Variants in STK11IP observed in about 807,000 individuals in gnomAD.
The protein encoded by STK11IP is serine/threonine kinase 11 interacting protein, also known as serine/threonine-protein kinase 11-interacting protein.
In STK11IP, 103 loss-of-function variants were observed where a neutral mutation model predicts 131.7. The ratio of observed to expected loss-of-function variants is 0.78; its 90% CI spans 0.67 to 0.92. The LOEUF (loss-of-function observed/expected upper bound fraction) is 0.92. STK11IP is among the 40% of genes least tolerant of loss of function. The pLI is 0.00. For synonymous variants in STK11IP, 557 were observed against 575.6 expected, an observed-to-expected ratio of 0.97 and a Z score of 0.46; for missense variants, 1,315 against 1,385.7, an observed-to-expected ratio of 0.95 and a Z score of 0.81.
chr2:219,609,644 C>G, intron 17 of STK11IP, 104 bp downstream of exon 17: 1 of 1,357,628 alleles, frequency 7.4e-7, no homozygotes, highest in African/African-American at 1.4e-5. Flanking sequence ...GGAGAAGGGG[C>G]TAGAGTGGAG....
rs756114545 is a variant in STK11IP, at chr2:219,616,120, G to A, written c.3194G>A (p.Arg1065Gln). The part of the protein sequence containing the change: ...EQLTALLAWI[R>Q]EPWEELFSIG... Reference sequence around the variant, plus strand: ...CTGACAGCCCTGCTTGCCTGGATCCGGGAACCATGGGAGGAGCTGTTTTCC... The same window carrying A: ...CTGACAGCCCTGCTTGCCTGGATCCAGGAACCATGGGAGGAGCTGTTTTCC... The change falls in exon 25 of 25, where the codon CGG (arginine) becomes CAG (glutamine). Residue 1065 changes from arginine (R) to glutamine (Q), a missense_variant. Coordinates refer to ENST00000456909, the MANE Select transcript of STK11IP (RefSeq NM_052902.4). The A allele has an allele frequency of 1.2e-5, 19 of 1,613,816 alleles. No homozygotes were observed. In the East Asian group the frequency reaches 2.7e-4, roughly 23 times the overall value.
chr2:219,606,982 G>A, intron 12 of STK11IP, 71 bp from the exon 13 acceptor site: 1 of 1,606,122 alleles, frequency 6.2e-7, no homozygotes, highest in Non-Finnish European at 8.5e-7. Context: ...TTGATAGGTT[G>A]GATGGCCAGC....
Position 219,608,058 on chromosome 2 carries a change from C to T in STK11IP, c.1231C>T (p.Gln411Ter), listed in dbSNP as rs1290334337. ...LNPSPAGWFVQQHPELELMSS... is the reference protein window; with the variant it reads ...LNPSPAGWFV ...CCCCTCCTGCCTAGGATGGTTCGTGCAGCAGCACCCGGAGCTGGAGCTCAT... is the reference window on the plus strand; with the variant it reads ...CCCCTCCTGCCTAGGATGGTTCGTGTAGCAGCACCCGGAGCTGGAGCTCAT... The change falls in exon 14 of 25, where the codon CAG becomes TAG. Residue 411 changes from glutamine (Q) to a stop codon, truncating the protein, a stop_gained. Coordinates refer to ENST00000456909, the MANE Select transcript of STK11IP (RefSeq NM_052902.4). LOFTEE classifies it high-confidence loss of function. The T allele has an allele frequency of 2.5e-6, 4 of 1,611,616 alleles. 1 individual carries two copies. The South Asian group carries it at 4.4e-5, about 18-fold the overall frequency.
intron 13 of STK11IP, 73 bp downstream of exon 13, chr2:219,607,210 A>G: frequency 7.1e-7 from 1 of 1,411,848 alleles, no homozygotes; most frequent in Admixed American, 1.8e-5. Context: ...TACAGTGAAG[A>G]TCTGCTGGAA....
chr2:219,605,850 G>T (rs1019665963), intron 8 of STK11IP, 106 bp from the exon 9 acceptor site: 1 of 1,487,622 alleles, frequency 6.7e-7, no homozygotes, highest in Admixed American at 2.0e-5. Flanking sequence ...GGAGTGCAGG[G>T]GTGCTCTGGC....
At chr2:219,602,656 T>C (rs766184563) in intron 6 of STK11IP, 49 bp from the exon 7 acceptor site, 1 of 1,611,748 alleles carries the variant, frequency 6.2e-7, no homozygotes, top group Non-Finnish European at 8.5e-7. Context: ...GTTGACCAGA[T>C]AGTATTGTAG....
chr2:219,605,035 G>T (rs1353597308), intron 7 of STK11IP, among the ~76,000 whole-genome samples: 1 of 152,122 alleles, frequency 6.6e-6, no homozygotes, highest in Non-Finnish European at 1.5e-5. Context: ...TCACAATGTT[G>T]GCCAGGTGAG....
rs1698166913 is a variant in STK11IP at position 219,606,487 on chromosome 2, T to C, written c.957T>C (p.Asp319=). The stretch of plus-strand genomic sequence containing the variant: ...TTGTCTTTGCTCAGTTCCTTCTCGA[T>C]GGCAAGGTCTTGTCACTGACAGATT... The part of the protein sequence containing the change: ...ARDAATGFLL[D]GKVLSLTDFQ... Residue 319 remains aspartate, a synonymous_variant, in exon 11 of 25, where the codon GAT becomes GAC. Transcript: ENST00000456909. The C allele has an allele frequency of 1.2e-6, 2 of 1,612,560 alleles. No individual in the cohort carries two copies. The highest frequency in any genetic ancestry group is 1.1e-5 in the South Asian group (1 of 90,700).
chr2:219,613,255 G>C (rs373946940), intron 20 of STK11IP, 30 bp downstream of exon 20: 19 of 1,322,050 alleles, frequency 1.4e-5, no homozygotes, highest in East Asian at 1.1e-4. Context: ...CAGTGAGTAA[G>C]GGGGGAGATG....
At position 219,608,612 on chromosome 2, in the gene STK11IP, C is replaced by T. The variant is rs775323669; in HGVS notation, c.1633C>T (p.Pro545Ser). 6.2e-7 allele frequency: 1 copy of T among 1,608,474 alleles called. No homozygotes were observed. The highest frequency in any genetic ancestry group is 1.3e-5 in the African/African-American group (1 of 74,826). The change falls in exon 15 of 25, where the codon CCC becomes TCC. Residue 545 changes from proline to serine, a missense_variant. Physicochemically the swap from Pro to Ser is moderately conservative, Grantham distance 74 (BLOSUM62 -1). Coordinates refer to ENST00000456909, the MANE Select transcript of STK11IP (RefSeq NM_052902.4). Reference protein sequence around the residue: ...AELCRPLLVCPLEGPEGVRGR... With the variant: ...AELCRPLLVCSLEGPEGVRGR... ...ACTCTGTCGCCCCTTGTTGGTGTGTCCCCTGGAGGGGCCTGAGGGCGTACG... is the reference window on the plus strand; with the variant it reads ...ACTCTGTCGCCCCTTGTTGGTGTGTTCCCTGGAGGGGCCTGAGGGCGTACG...
In STK11IP at chr2:219,613,981, C is replaced by T. The variant is rs575356975; in HGVS notation, c.2716+51C>T. On this transcript the variant is annotated intron_variant, in intron 21 of 24. Transcript: ENST00000456909. ...AGGGTGGGCAGGAGGGTGGGCAGGG[C>T]CTTGGGGCCAGGCTCCCCACCTGGT... The T allele has an allele frequency of 1.6e-5, 24 of 1,510,138 alleles. No homozygotes were observed. In the South Asian group the frequency reaches 3.1e-4, roughly 19 times the overall value. The allele number at this position is 1,510,138 out of a possible 1,614,324, so 93.5% of individuals were successfully genotyped here. A position where few individuals can be genotyped will look rare whatever the true frequency, so the allele number is the denominator to read the frequency against.
In STK11IP at chr2:219,601,726, A is replaced by C. The variant is rs1440454855; in HGVS notation, c.342+11A>C. 1.9e-6 allele frequency: 3 copies of C among 1,591,402 alleles called. No individual in the cohort carries two copies. The African/African-American group carries it at 4.0e-5, about 21-fold the overall frequency. On this transcript the variant is annotated intron_variant, in intron 4 of 24. Transcript: ENST00000456909. ...CTTCGGCACCTGGAGGTATGGGGAC[A>C]CGGGGGGATGTTGGTGCACAGCACC...
chr2:219,598,083 TC>T lies in STK11IP; in HGVS notation c.-26-3del, dbSNP rs368360619. The T allele has an allele frequency of 2.1e-3, 3,239 of 1,563,976 alleles. 49 individuals carry two copies. In the East Asian group the frequency reaches 0.027, roughly 13 times the overall value. ...ACCTGAGGCTCTTCCGCTTCCTCTT[TC>T]CCCCCCCAGGCTCCGCCCCCCAGCG... is the stretch of plus-strand genomic sequence containing the variant. On this transcript the variant is annotated splice_polypyrimidine_tract_variant and intron_variant, in intron 1 of 24. Coordinates refer to ENST00000456909, the MANE Select transcript of STK11IP (RefSeq NM_052902.4).
intron 7 of STK11IP, among the ~76,000 whole-genome samples, chr2:219,604,321 G>C (rs2106150889): frequency 6.6e-6 from 1 of 152,300 alleles, no homozygotes; most frequent in South Asian, 2.1e-4. Flanking sequence ...GTTCTTAACA[G>C]GCCAAAGTTG....
At chr2:219,597,978 C>T (rs1457297535) in intron 1 of STK11IP, 55 bp downstream of exon 1, 8 of 1,603,386 alleles carry the variant, frequency 5.0e-6, no homozygotes, top group Admixed American at 1.7e-5. Context: ...GGATGCTCTT[C>T]CTCTCTTTTC....
intron 2 of STK11IP, 83 bp from the exon 3 acceptor site, chr2:219,601,152 A>G (rs1223762214): frequency 3.8e-6 from 4 of 1,052,598 alleles, no homozygotes; most frequent in Non-Finnish European, 5.5e-6. Context: ...TGGAGTGGGT[A>G]TATTTTGGCA....
In STK11IP at chr2:219,609,229, G is replaced by T. The variant is rs117075018; in HGVS notation, c.1926+16G>T. ...AGCTGTCCAGGTGATGGCGCCCAGA[G>T]TGGGGGCCCAGGAGGCTGTGGGGAT... On this transcript the variant is annotated intron_variant, in intron 16 of 24. Coordinates refer to ENST00000456909, the MANE Select transcript of STK11IP (RefSeq NM_052902.4). 6.3e-7 allele frequency: 1 copy of T among 1,586,310 alleles called. No homozygotes were observed. Among genetic ancestry groups the T allele is most frequent in the Non-Finnish European group, 8.6e-7 (1 of 1,165,776 alleles).
intron 23 of STK11IP, 103 bp downstream of exon 23, chr2:219,614,649 T>C (rs1431011800): frequency 4.2e-6 from 5 of 1,176,470 alleles, no homozygotes; most frequent in South Asian, 2.5e-5. Context: ...GCAGCAACTG[T>C]CAGTTCCTGG....
chr2:219,606,364 A>G, intron 10 of STK11IP, 74 bp downstream of exon 10: 6 of 1,542,970 alleles, frequency 3.9e-6, no homozygotes, highest in South Asian at 1.2e-5. Context: ...CCCTCTTGCC[A>G]TCCCTGGGTG....
Sources: gnomAD v4.1 joint callset for allele counts (sites outside exome capture counted in the v4.1 genomes callset) on GRCh38, gnomAD v4.1.1 for gene constraint, MANE v1.5 for transcripts, NCBI Gene and HGNC (gene_info 2026-07-23, HGNC 2026-07-21) for gene names.